The following SLC41A3 variants were observed in gnomAD, a reference collection of about 807,000 sequenced individuals.
SLC41A3 encodes the protein solute carrier family 41 member 3.
A neutral mutation model predicts 45.4 loss-of-function variants in SLC41A3; 44 were observed. The observed-to-expected ratio is 0.97, with a 90% CI of 0.76 to 1.25. The LOEUF (loss-of-function observed/expected upper bound fraction) is 1.25. Ranked by LOEUF, SLC41A3 falls within the 50% of genes most tolerant of loss-of-function variation. The pLI is 0.00. For missense variants in SLC41A3, 550 were observed against 600.6 expected, an observed-to-expected ratio of 0.92 and a Z score of 0.88; for synonymous variants, 256 against 252.4, an observed-to-expected ratio of 1.01 and a Z score of -0.13.
intron 6 of SLC41A3, among the ~76,000 whole-genome samples, chr3:126,021,648 T>G (rs1198847504): frequency 6.6e-6 from 1 of 152,174 alleles, no homozygotes; most frequent in Non-Finnish European, 1.5e-5. Context: ...GATTTATAAT[T>G]GCCTGACCAT....
chr3:126,075,362 G>A (rs1944830397), intron 1 of SLC41A3, among the ~76,000 whole-genome samples: 1 of 151,876 alleles, frequency 6.6e-6, no homozygotes, highest in Non-Finnish European at 1.5e-5. Context: ...AACAAAAGAA[G>A]TCCAAAACTT....
chr3:126,010,355 T>C (rs572379800), intron 9 of SLC41A3, among the ~76,000 whole-genome samples: 7 of 152,180 alleles, frequency 4.6e-5, no homozygotes, highest in Middle Eastern at 3.4e-3. Context: ...ACCTGTAATC[T>C]CAGCTACTTG....
At chr3:126,056,707 C>A in intron 2 of SLC41A3, 4 of 1,439,890 alleles carry the variant, frequency 2.8e-6, no homozygotes, top group Non-Finnish European at 3.6e-6. Flanking sequence ...CAGAGAGTTC[C>A]CCAACAGCCC....
chr3:126,060,338 G>C (rs945017149), intron 2 of SLC41A3, among the ~76,000 whole-genome samples: 9 of 152,124 alleles, frequency 5.9e-5, no homozygotes, highest in Non-Finnish European at 1.2e-4. Context: ...AGAATCACTT[G>C]AACCTGGGAG....
chr3:126,099,134 C>T (rs551987670), intron 1 of SLC41A3, among the ~76,000 whole-genome samples: 1 of 151,956 alleles, frequency 6.6e-6, no homozygotes, highest in African/African-American at 2.4e-5. Flanking sequence ...TTTGTGACCA[C>T]GAGGCAGTGC....
At chr3:126,008,668 A>G in intron 10 of SLC41A3, 64 bp downstream of exon 10, 2 of 1,589,972 alleles carry the variant, frequency 1.3e-6, no homozygotes, top group South Asian at 2.2e-5. Flanking sequence ...TCACTCAGAC[A>G]AGAGATCAAG....
chr3:126,046,948 C>T (rs1273434241), intron 3 of SLC41A3, among the ~76,000 whole-genome samples: 5 of 122,774 alleles, frequency 4.1e-5, no homozygotes, highest in African/African-American at 9.7e-5. Flanking sequence ...GGCAATGGAG[C>T]GAAACTCCAT....
intron 1 of SLC41A3, among the ~76,000 whole-genome samples, chr3:126,077,686 A>G (rs1225938095): frequency 6.6e-6 from 1 of 152,132 alleles, no homozygotes. Flanking sequence ...CTGGTAAAAC[A>G]TTTTCCCAAG....
intron 1 of SLC41A3, chr3:126,095,313 G>T (rs1469161426): frequency 1.6e-6 from 1 of 633,954 alleles, no homozygotes; most frequent in Non-Finnish European, 2.8e-6. Context: ...TGAGGCTGAT[G>T]CTCAGGAGGA....
chr3:126,019,495 T>G (rs776139013), intron 6 of SLC41A3, among the ~76,000 whole-genome samples: 1 of 152,200 alleles, frequency 6.6e-6, no homozygotes, highest in Non-Finnish European at 1.5e-5. Flanking sequence ...TCTTAACTTA[T>G]GCCAGCATCA....
chr3:126,079,211 A>AACACACACAC (rs63385862), intron 1 of SLC41A3, among the ~76,000 whole-genome samples: 19 of 54,990 alleles, frequency 3.5e-4, no homozygotes, highest in African/African-American at 1.4e-3. Context: ...AGGTAAGGGA[A>AACACACACAC]ACACACACAC....
chr3:126,099,506 G>A (rs1315400709), intron 1 of SLC41A3, among the ~76,000 whole-genome samples: 1 of 152,142 alleles, frequency 6.6e-6, no homozygotes, highest in Non-Finnish European at 1.5e-5. Flanking sequence ...GAGGTCAGGA[G>A]TTTGAGACCA....
upstream of SLC41A3, among the ~76,000 whole-genome samples, chr3:126,086,498 C>CTGTGTGTG (rs57609698): frequency 9.5e-3 from 1,263 of 133,096 alleles, 18 homozygotes; most frequent in African/African-American, 0.032. Context: ...GCTATAGGAT[C>CTGTGTGTG]TGTGTGTGTG....
In SLC41A3 at chr3:126,016,620, A is replaced by T. The variant is rs1029359641; in HGVS notation, c.890+111T>A. The T allele has an allele frequency of 1.5e-5, 20 of 1,372,128 alleles. No individual in the cohort carries two copies. In the Admixed American group the frequency reaches 5.0e-4, roughly 35 times the overall value. The allele number at this position is 1,372,128 out of a possible 1,614,324, so 85.0% of individuals were successfully genotyped here. A position where few individuals can be genotyped will look rare whatever the true frequency, so the allele number is the denominator to read the frequency against. On this transcript the variant is annotated intron_variant, in intron 7 of 10. Coordinates refer to ENST00000360370, the MANE Select transcript of SLC41A3 (RefSeq NM_017836.4). ...AATGGGAGTTACTGAAAGAGCCCAC[A>T]GCTACATTTCACTCCATTCCTGTCC...
At chr3:126,056,797 C>T in intron 2 of SLC41A3, 5 of 1,319,798 alleles carry the variant, frequency 3.8e-6, no homozygotes, top group Non-Finnish European at 3.9e-6. Context: ...CTCTGCCAGG[C>T]CCTGCTGTCC....
rs532268870 is a variant in SLC41A3, at chr3:126,069,756, A to T, written c.-27-1510T>A. ...CAGAATGATGTCTACTTGAATACAG[A>T]GTATCAATATAGAGATGAAAATTAT... On this transcript the variant is annotated intron_variant, in intron 1 of 10. Coordinates refer to ENST00000360370, the MANE Select transcript of SLC41A3 (RefSeq NM_017836.4). Among the ~76,000 whole-genome samples the T allele has an allele frequency of 1.2e-4, 18 of 152,320 alleles. No individual in the cohort carries two copies. The South Asian group carries it at 3.3e-3, about 28-fold the overall frequency.
chr3:126,069,100 A>G (rs1009007186), intron 1 of SLC41A3, among the ~76,000 whole-genome samples: 2 of 141,356 alleles, frequency 1.4e-5, no homozygotes, highest in Non-Finnish European at 3.1e-5. Flanking sequence ...AGTTTTTGCT[A>G]TTACTTTTGA....
chr3:126,096,330 C>T (rs542231838), intron 1 of SLC41A3, among the ~76,000 whole-genome samples: 8 of 152,172 alleles, frequency 5.3e-5, no homozygotes, highest in African/African-American at 1.7e-4. Flanking sequence ...GACAAAGGTG[C>T]CTTTGCTTTT....
At chr3:126,049,026 C>A (rs747931354) in intron 3 of SLC41A3, among the ~76,000 whole-genome samples, 1 of 152,138 alleles carries the variant, frequency 6.6e-6, no homozygotes. Flanking sequence ...TATGGCCAGG[C>A]GCGGTGGCTC....
Sources: allele counts gnomAD v4.1 joint callset (sites outside exome capture counted in the v4.1 genomes callset), GRCh38; gene constraint gnomAD v4.1.1; transcripts MANE v1.5; gene names NCBI Gene and HGNC (gene_info 2026-07-23, HGNC 2026-07-21).